Variants in FAM13C observed in about 807,000 individuals in gnomAD.
FAM13C encodes the protein protein FAM13C.
Under a neutral mutation model 73.2 loss-of-function variants are expected in FAM13C, and 37 were observed. The observed-to-expected ratio is 0.51, with a 90% confidence interval of 0.39 to 0.67. The LOEUF (loss-of-function observed/expected upper bound fraction) is 0.67, where lower values mean the gene tolerates loss of function less well. FAM13C is among the 30% of genes least tolerant of loss of function. The pLI is 0.00. For missense variants in FAM13C, 589 were observed against 715.6 expected (o/e 0.82, Z 2.02); for synonymous variants, 246 against 260.9 (o/e 0.94, Z 0.55).
rs542883986 is a variant in FAM13C at position 59,340,807 on chromosome 10, G to A, written c.324+11463C>T. Among the ~76,000 whole-genome samples the A allele has an allele frequency of 4.6e-5, 7 of 151,346 alleles. No homozygotes were observed. The South Asian group carries it at 6.3e-4, about 14-fold the overall frequency. ...ATTAGATTGGTGCAAAAGTAACTGC[G>A]GTTTTTGCCATTACTTGGCAAAAAC... On this transcript the variant is annotated intron_variant, in intron 3 of 13. Transcript: ENST00000618804.
chr10:59,276,826 C>T (rs1844369286), intron 6 of FAM13C, among the ~76,000 whole-genome samples: 1 of 152,074 alleles, frequency 6.6e-6, no homozygotes, highest in South Asian at 2.1e-4. Flanking sequence ...TAAAACAAAA[C>T]TGAATGATGA....
chr10:59,321,625 C>T (rs1589603897), intron 4 of FAM13C, among the ~76,000 whole-genome samples: 1 of 152,082 alleles, frequency 6.6e-6, no homozygotes, highest in Non-Finnish European at 1.5e-5. Flanking sequence ...GTCTCATCCT[C>T]ATAAATACAT....
chr10:59,290,355 CAT>C (rs1454144967), intron 5 of FAM13C, among the ~76,000 whole-genome samples: 1 of 152,204 alleles, frequency 6.6e-6, no homozygotes, highest in Non-Finnish European at 1.5e-5. Flanking sequence ...CCAAGAATTG[CAT>C]ATGATTCCCT....
chr10:59,251,434 G>T, intron 13 of FAM13C, 141 bp downstream of exon 13: 1 of 747,080 alleles, frequency 1.3e-6, no homozygotes, highest in Non-Finnish European at 2.4e-6. Flanking sequence ...ATGTTGCATT[G>T]GACAAATCCT....
chr10:59,247,675 T>C lies in FAM13C; in HGVS notation c.1697A>G (p.Lys566Arg). ...ADEYYEYKHI[K>R]AKLRLLEVLI... ...GACCTCTAATAGTCTCAGTTTGGCT[T>C]TTATGTGCTTATATTCATAATACTC... The change falls in exon 14 of 14, where the codon AAA becomes AGA. Residue 566 changes from lysine (K) to arginine (R), a missense_variant. Coordinates refer to ENST00000618804, the MANE Select transcript of FAM13C (RefSeq NM_198215.4). 1.2e-6 allele frequency: 2 copies of C among 1,613,572 alleles called. No homozygotes were observed. The highest frequency in any genetic ancestry group is 1.7e-6 in the Non-Finnish European group (2 of 1,179,678).
rs1306650454 is a variant in FAM13C at position 59,295,403 on chromosome 10, G to A, written c.507+7398C>T. ...GCTGTTGCTGGCTCCAAGATAAAGG[G>A]TGAGGAGGGGGAGTGTGACAGCCTC... On this transcript the variant is annotated intron_variant, in intron 5 of 13. Coordinates refer to ENST00000618804, the MANE Select transcript of FAM13C (RefSeq NM_198215.4). 3.9e-5 allele frequency among the ~76,000 whole-genome samples: 6 copies of A among 152,218 alleles called. No homozygotes were observed. In the East Asian group the frequency reaches 1.2e-3, roughly 29 times the overall value.
At chr10:59,269,748 G>C in intron 7 of FAM13C, 151 bp downstream of exon 7, 1 of 880,372 alleles carries the variant, frequency 1.1e-6, no homozygotes, top group Non-Finnish European at 1.7e-6. Flanking sequence ...CAACTAGCAA[G>C]TACACTAATT....
chr10:59,268,757 T>C lies in FAM13C; in HGVS notation c.804-66A>G, dbSNP rs192938157. ...GGCTTCCAGTAAACAGTTCTGTTGATCTACAAACCAAAATTCCTGGATTGT... is the reference window on the plus strand; with the variant it reads ...GGCTTCCAGTAAACAGTTCTGTTGACCTACAAACCAAAATTCCTGGATTGT... On this transcript the variant is annotated intron_variant, in intron 7 of 13. Transcript: ENST00000618804. 1.4e-3 allele frequency: 2,220 copies of C among 1,546,668 alleles called. 10 individuals are homozygous for C. Among genetic ancestry groups the C allele is most frequent in the Non-Finnish European group, 1.3e-3 (1,459 of 1,148,214 alleles).
At chr10:59,307,641 T>C (rs527451427) in intron 4 of FAM13C, among the ~76,000 whole-genome samples, 1 of 152,316 alleles carries the variant, frequency 6.6e-6, no homozygotes, top group East Asian at 1.9e-4. Context: ...AAATAAAGTC[T>C]GCCCTTGTGG....
chr10:59,311,933 C>T (rs556747111), intron 4 of FAM13C, among the ~76,000 whole-genome samples: 1 of 152,250 alleles, frequency 6.6e-6, no homozygotes, highest in Admixed American at 6.5e-5. Flanking sequence ...CCCAGCTCCT[C>T]CTATCTATCA....
At chr10:59,264,293 T>C (rs928570572) in intron 8 of FAM13C, 127 bp from the exon 9 acceptor site, 2 of 650,592 alleles carry the variant, frequency 3.1e-6, no homozygotes, top group Admixed American at 2.8e-5. Context: ...TAGGAATATA[T>C]AAAGCTGGGA....
At chr10:59,343,347 T>C (rs1853769007) in intron 3 of FAM13C, among the ~76,000 whole-genome samples, 1 of 152,228 alleles carries the variant, frequency 6.6e-6, no homozygotes, top group Non-Finnish European at 1.5e-5. Flanking sequence ...TAATATTCTT[T>C]TTCTTCTCTT....
chr10:59,352,674 CTGA>C (rs1411928268), intron 2 of FAM13C, among the ~76,000 whole-genome samples, 200 bp from the exon 3 acceptor site: 2 of 152,158 alleles, frequency 1.3e-5, no homozygotes, highest in African/African-American at 4.8e-5. Context: ...ACCTTCCCTT[CTGA>C]TCTTTGTTAA....
intron 5 of FAM13C, among the ~76,000 whole-genome samples, chr10:59,297,706 A>T (rs1182221394): frequency 6.6e-6 from 1 of 152,058 alleles, no homozygotes; most frequent in African/African-American, 2.4e-5. Flanking sequence ...AGGATCTCAA[A>T]CCTTCTAAAC....
intron 6 of FAM13C, among the ~76,000 whole-genome samples, chr10:59,270,504 T>A (rs948560972): frequency 6.9e-6 from 1 of 145,824 alleles, no homozygotes; most frequent in African/African-American, 2.8e-5. Flanking sequence ...AGAAAAGGTA[T>A]AACAACCAGT....
At chr10:59,253,099 C>G (rs1841566414) in intron 11 of FAM13C, 101 bp from the exon 12 acceptor site, 2 of 1,173,736 alleles carry the variant, frequency 1.7e-6, no homozygotes, top group East Asian at 4.7e-5. Context: ...GCCATGAAAA[C>G]CAGTAGGTGA....
intron 7 of FAM13C, among the ~76,000 whole-genome samples, chr10:59,269,465 G>A (rs1352683010): frequency 6.8e-6 from 1 of 147,408 alleles, no homozygotes; most frequent in Non-Finnish European, 1.5e-5. Flanking sequence ...TTGGATGAGG[G>A]TAGCTATTGT....
chr10:59,323,067 G>A (rs1850540246), intron 4 of FAM13C, among the ~76,000 whole-genome samples: 1 of 152,138 alleles, frequency 6.6e-6, no homozygotes, highest in South Asian at 2.1e-4. Flanking sequence ...CAACTGCATA[G>A]CACAGCCAAT....
At chr10:59,343,499 ATTCT>A (rs1853789340) in intron 3 of FAM13C, among the ~76,000 whole-genome samples, 1 of 152,164 alleles carries the variant, frequency 6.6e-6, no homozygotes, top group South Asian at 2.1e-4. Flanking sequence ...CCAGTATTTC[ATTCT>A]CCCCCTTAGG....
Sources: gnomAD v4.1 joint callset for allele counts (sites outside exome capture counted in the v4.1 genomes callset) on GRCh38, gnomAD v4.1.1 for gene constraint, MANE v1.5 for transcripts, NCBI Gene and HGNC (gene_info 2026-07-23, HGNC 2026-07-21) for gene names.